Variants in P3H2 observed in about 807,000 individuals in gnomAD.
P3H2 encodes the protein leprecan-like 1.
P3H2 carries 80 observed loss-of-function variants against 87.0 expected under a neutral mutation model. That is an observed-to-expected ratio of 0.92 (90% CI 0.77 to 1.11). The LOEUF is 1.11. Among genes scored for constraint, P3H2 ranks in the 50% least tolerant of loss-of-function variants. The probability of loss-of-function intolerance (pLI) is 0.00; values close to 1 mark genes in which losing one functional copy is unlikely to be tolerated. For synonymous variants in P3H2, 367 were observed against 359.3 expected, an observed-to-expected ratio of 1.02 and a Z score of -0.24; for missense variants, 1,001 against 923.9, an observed-to-expected ratio of 1.08 and a Z score of -1.08.
intron 7 of P3H2, among the ~76,000 whole-genome samples, chr3:189,984,072 A>C (rs909716719): frequency 6.6e-6 from 1 of 152,240 alleles, no homozygotes; most frequent in Middle Eastern, 3.4e-3. Flanking sequence ...AACTTTAAGT[A>C]TAATAATAAT....
At chr3:189,962,077 C>T (rs1029935092) in intron 14 of P3H2, among the ~76,000 whole-genome samples, 1 of 151,252 alleles carries the variant, frequency 6.6e-6, no homozygotes, top group Non-Finnish European at 1.5e-5. Flanking sequence ...TAGGGGAAGG[C>T]AATTGTTTGC....
At chr3:189,995,041 CTTAAT>C (rs1724006714) in intron 2 of P3H2, among the ~76,000 whole-genome samples, 1 of 151,798 alleles carries the variant, frequency 6.6e-6, no homozygotes, top group African/African-American at 2.4e-5. Context: ...TTTATTTTCT[CTTAAT>C]TTAAAAATTT....
At chr3:190,103,674 A>AT (rs1451438132) in intron 1 of P3H2, among the ~76,000 whole-genome samples, 3 of 152,230 alleles carry the variant, frequency 2.0e-5, no homozygotes, top group African/African-American at 4.8e-5. Flanking sequence ...CAGAGGTAGG[A>AT]AAGAATACTC....
At position 190,120,280 on chromosome 3, in the gene P3H2, T is replaced by A; in HGVS notation, c.452A>T (p.Tyr151Phe). Residue 151 changes from tyrosine (Y) to phenylalanine (F), a missense_variant, in exon 1 of 15, where the codon TAC (tyrosine) becomes TTC (phenylalanine). Physicochemically the swap from Tyr to Phe is conservative, Grantham distance 22 (BLOSUM62 3). Coordinates refer to ENST00000319332, the MANE Select transcript of P3H2 (RefSeq NM_018192.4). ...GATGTAGGCCCGCTGCAGGTAGTTG[T>A]AGGGCACTCTGCGCTGGAAGTCGCT... The part of the protein sequence containing the change: ...VRSDFQRRVP[Y>F]NYLQRAYIKL... 6.2e-7 allele frequency: 1 copy of A among 1,611,162 alleles called. No homozygotes were observed. The highest frequency in any genetic ancestry group is 8.5e-7 in the Non-Finnish European group (1 of 1,179,400).
chr3:190,059,970 G>A (rs778960553), intron 1 of P3H2, among the ~76,000 whole-genome samples: 54 of 152,094 alleles, frequency 3.6e-4, no homozygotes, highest in Non-Finnish European at 5.7e-4. Context: ...GAAAAGACAG[G>A]AAATTTTTCC....
intron 1 of P3H2, among the ~76,000 whole-genome samples, chr3:190,017,107 G>A (rs912383286): frequency 3.9e-5 from 6 of 152,170 alleles, no homozygotes; most frequent in African/African-American, 7.2e-5. Flanking sequence ...GGGAGCTGCT[G>A]CATCTTCTCT....
intron 1 of P3H2, among the ~76,000 whole-genome samples, chr3:190,118,382 T>C (rs1304030762): frequency 6.6e-6 from 1 of 152,038 alleles, no homozygotes; most frequent in Non-Finnish European, 1.5e-5. Context: ...GGACCACCCA[T>C]GTTCTGCTCT....
chr3:190,068,551 T>G (rs1259620243), intron 1 of P3H2, among the ~76,000 whole-genome samples: 1 of 152,198 alleles, frequency 6.6e-6, no homozygotes, highest in African/African-American at 2.4e-5. Context: ...TCTTTAGTGA[T>G]ATCAAAACTG....
At chr3:190,121,503 C>G (rs1577335649), upstream of P3H2, 1 of 152,190 alleles carries the variant, frequency 6.6e-6, no homozygotes, top group East Asian at 1.9e-4. Context: ...CCAAAGCTTA[C>G]CGCTTCTTCT....
rs115563050 is a variant in P3H2 at position 190,024,265 on chromosome 3, G to A, written c.481-28823C>T. Among the ~76,000 whole-genome samples, 1,179 of 152,248 alleles carry A rather than the reference G, an allele frequency of 7.7e-3. 16 individuals carry two copies. The highest frequency in any genetic ancestry group is 0.027 in the African/African-American group (1,123 of 41,562). Reference sequence around the variant, plus strand: ...TTTACGACAGATGGATTGGCCAGGTGCAGTGGCTCACACCTGTAATCCCAG... The same window carrying A: ...TTTACGACAGATGGATTGGCCAGGTACAGTGGCTCACACCTGTAATCCCAG... On this transcript the variant is annotated intron_variant, in intron 1 of 14. Transcript: ENST00000319332.
intron 1 of P3H2, among the ~76,000 whole-genome samples, chr3:190,071,104 T>A (rs1726683604): frequency 6.6e-6 from 1 of 152,242 alleles, no homozygotes; most frequent in Non-Finnish European, 1.5e-5. Context: ...TACTATCATG[T>A]TACAGGATGA....
chr3:189,958,104 G>A, intron 14 of P3H2, 100 bp from the exon 15 acceptor site: 2 of 830,244 alleles, frequency 2.4e-6, no homozygotes, highest in Non-Finnish European at 2.1e-6. Context: ...CTGTACATGG[G>A]TTGATGCTAT....
intron 1 of P3H2, among the ~76,000 whole-genome samples, chr3:190,066,656 G>T (rs771889737): frequency 5.9e-5 from 9 of 151,958 alleles, no homozygotes; most frequent in Admixed American, 3.3e-4. Flanking sequence ...ATGGAAAAAA[G>T]AATGCAATAT....
chr3:190,008,525 TA>T (rs1307615481), intron 1 of P3H2, among the ~76,000 whole-genome samples: 1 of 152,082 alleles, frequency 6.6e-6, no homozygotes, highest in African/African-American at 2.4e-5. Context: ...ATTCGGTGGT[TA>T]AAAAAACTGA....
chr3:190,081,638 G>T (rs946652444), intron 1 of P3H2, among the ~76,000 whole-genome samples: 1 of 152,178 alleles, frequency 6.6e-6, no homozygotes, highest in African/African-American at 2.4e-5. Flanking sequence ...TTCCAGTCTG[G>T]AGGAGAGGCA....
intron 1 of P3H2, among the ~76,000 whole-genome samples, chr3:189,999,750 G>C (rs1724153809): frequency 6.6e-6 from 1 of 152,154 alleles, no homozygotes; most frequent in Non-Finnish European, 1.5e-5. Context: ...GAGAAAAGGG[G>C]AATAATCTGA....
intron 1 of P3H2, among the ~76,000 whole-genome samples, chr3:190,024,549 A>G (rs1015393063): frequency 6.0e-5 from 9 of 151,088 alleles, no homozygotes; most frequent in African/African-American, 2.2e-4. Flanking sequence ...AAAAAAAAAA[A>G]AAAAGAAAGA....
chr3:190,021,524 A>T (rs1724926916), intron 1 of P3H2, among the ~76,000 whole-genome samples: 1 of 135,014 alleles, frequency 7.4e-6, no homozygotes, highest in Non-Finnish European at 1.7e-5. Flanking sequence ...TAAAAAAGTA[A>T]CTTTCTCTTC....
At chr3:190,114,293 C>G (rs1712199602) in intron 1 of P3H2, among the ~76,000 whole-genome samples, 1 of 150,392 alleles carries the variant, frequency 6.6e-6, no homozygotes, top group Non-Finnish European at 1.5e-5. Flanking sequence ...ACGCCATTCT[C>G]CTGCCTCAGC....
Sources: gnomAD v4.1 joint callset for allele counts (sites outside exome capture counted in the v4.1 genomes callset) on GRCh38, gnomAD v4.1.1 for gene constraint, MANE v1.5 for transcripts, NCBI Gene and HGNC (gene_info 2026-07-23, HGNC 2026-07-21) for gene names.